The following PRKN variants were observed in gnomAD, a reference collection of about 807,000 sequenced individuals.
PRKN encodes E3 ubiquitin-protein ligase parkin.
PRKN carries 56 observed loss-of-function variants against 59.5 expected under a neutral mutation model. The ratio of observed to expected loss-of-function variants is 0.94; its 90% confidence interval spans 0.76 to 1.18. PRKN has a LOEUF of 1.18. Among genes scored for constraint, PRKN ranks in the 50% most tolerant of loss-of-function variants. PRKN has a pLI of 0.00. For missense variants in PRKN, 657 were observed against 596.4 expected (o/e 1.10, Z -1.06); for synonymous variants, 250 against 222.1 (o/e 1.13, Z -1.12).
chr6:162,326,968 C>T (rs980613582), intron 2 of PRKN, among the ~76,000 whole-genome samples: 21 of 152,196 alleles, frequency 1.4e-4, no homozygotes, highest in African/African-American at 4.8e-4. Context: ...TAACTCTACC[C>T]TATTATCACA....
intron 4 of PRKN, among the ~76,000 whole-genome samples, chr6:162,120,719 G>A (rs574095358): frequency 9.8e-5 from 15 of 152,302 alleles, no homozygotes; most frequent in Middle Eastern, 3.4e-3. Context: ...CCCCTGGTGT[G>A]AGCGATATTA....
At chr6:162,374,547 G>T (rs184799503) in intron 2 of PRKN, among the ~76,000 whole-genome samples, 1 of 150,318 alleles carries the variant, frequency 6.7e-6, no homozygotes, top group African/African-American at 2.5e-5. Context: ...TTGTTTGTTT[G>T]TTTATTTATT....
intron 7 of PRKN, among the ~76,000 whole-genome samples, chr6:161,764,760 T>C (rs567549202): frequency 6.6e-6 from 1 of 152,330 alleles, no homozygotes; most frequent in South Asian, 2.1e-4. Context: ...AAACAATAGC[T>C]AAATGCTTTC....
At chr6:162,370,908 A>T (rs1371209844) in intron 2 of PRKN, among the ~76,000 whole-genome samples, 1 of 152,190 alleles carries the variant, frequency 6.6e-6, no homozygotes, top group African/African-American at 2.4e-5. Context: ...ATCATTGAAC[A>T]AATGGTACTG....
chr6:161,993,457 A>C (rs2128259390), intron 5 of PRKN, among the ~76,000 whole-genome samples: 1 of 152,338 alleles, frequency 6.6e-6, no homozygotes. Flanking sequence ...AGTAATTAAA[A>C]GTCCCCCAAC....
At chr6:162,652,406 T>C (rs1166454651) in intron 1 of PRKN, among the ~76,000 whole-genome samples, 1 of 152,192 alleles carries the variant, frequency 6.6e-6, no homozygotes, top group Non-Finnish European at 1.5e-5. Context: ...CAGTTAACAA[T>C]TGTTTCCAAT....
chr6:161,539,411 C>A (rs71544911), intron 9 of PRKN, among the ~76,000 whole-genome samples: 1 of 111,956 alleles, frequency 8.9e-6, no homozygotes, highest in East Asian at 1.9e-4. Flanking sequence ...CCACCACCTG[C>A]ATGCCTGGCT....
chr6:162,047,381 G>C (rs1447508345), intron 5 of PRKN, among the ~76,000 whole-genome samples: 2 of 152,164 alleles, frequency 1.3e-5, no homozygotes, highest in Non-Finnish European at 2.9e-5. Flanking sequence ...GATAGTTATT[G>C]TACAGTGCAG....
chr6:162,270,464 C>A (rs143184838), intron 2 of PRKN, among the ~76,000 whole-genome samples: 13 of 152,254 alleles, frequency 8.5e-5, no homozygotes, highest in African/African-American at 3.1e-4. Context: ...TCACCACTAA[C>A]TAACTTACGT....
At chr6:161,728,708 A>C (rs1048845724) in intron 7 of PRKN, among the ~76,000 whole-genome samples, 1 of 152,132 alleles carries the variant, frequency 6.6e-6, no homozygotes, top group Admixed American at 6.6e-5. Flanking sequence ...CTCAGGAGCG[A>C]GGGGTGAGGG....
At chr6:162,329,736 A>G (rs1265027715) in intron 2 of PRKN, among the ~76,000 whole-genome samples, 1 of 152,256 alleles carries the variant, frequency 6.6e-6, no homozygotes, top group East Asian at 1.9e-4. Flanking sequence ...AAAAATAAAA[A>G]AACTCAATAA....
At chr6:161,511,202 T>C (rs77536713) in intron 9 of PRKN, among the ~76,000 whole-genome samples, 3,211 of 152,298 alleles carry the variant, frequency 0.021, 118 homozygotes, top group African/African-American at 0.074. Flanking sequence ...CCTGAAGAGA[T>C]TGGCCTATGA....
chr6:161,825,446 C>T (rs1792203756), intron 6 of PRKN, among the ~76,000 whole-genome samples: 3 of 152,178 alleles, frequency 2.0e-5, no homozygotes, highest in East Asian at 1.9e-4. Context: ...CCCTTGGCCT[C>T]GTCAATATTT....
chr6:161,481,090 C>G (rs761562573), intron 9 of PRKN, among the ~76,000 whole-genome samples: 1 of 152,192 alleles, frequency 6.6e-6, no homozygotes, highest in East Asian at 1.9e-4. Flanking sequence ...ATATTCCAGT[C>G]AAGGGCAGTG....
At chr6:162,447,219 C>T (rs990050277) in intron 1 of PRKN, among the ~76,000 whole-genome samples, 3 of 152,046 alleles carry the variant, frequency 2.0e-5, no homozygotes, top group Non-Finnish European at 2.9e-5. Context: ...AAGCAGTGTC[C>T]TTTGCTTGCA....
chr6:161,699,493 A>T (rs1341127176), intron 7 of PRKN, among the ~76,000 whole-genome samples: 3 of 152,210 alleles, frequency 2.0e-5, no homozygotes, highest in African/African-American at 7.2e-5. Context: ...AAGAATGAAT[A>T]AAAAGGAATG....
At chr6:162,132,881 G>A (rs1781423848) in intron 4 of PRKN, among the ~76,000 whole-genome samples, 1 of 152,148 alleles carries the variant, frequency 6.6e-6, no homozygotes, top group Admixed American at 6.5e-5. Context: ...AGGAATGAAC[G>A]CCTTCCAGGC....
intron 1 of PRKN, among the ~76,000 whole-genome samples, chr6:162,716,461 C>T (rs1423344019): frequency 2.6e-5 from 4 of 152,184 alleles, no homozygotes; most frequent in Admixed American, 6.5e-5. Context: ...AAGTGTCTAA[C>T]GCTCATAGGG....
At chr6:161,516,496 AGAAGAAG>A (rs1778601762) in intron 9 of PRKN, among the ~76,000 whole-genome samples, 1 of 90,288 alleles carries the variant, frequency 1.1e-5, no homozygotes, top group Non-Finnish European at 2.1e-5. Flanking sequence ...AAAAAAAAGA[AGAAGAAG>A]AAAGAAGAAA....
Sources: gnomAD v4.1 joint callset for allele counts (sites outside exome capture counted in the v4.1 genomes callset) on GRCh38, gnomAD v4.1.1 for gene constraint, MANE v1.5 for transcripts, NCBI Gene and HGNC (gene_info 2026-07-23, HGNC 2026-07-21) for gene names.